UBE3D: variants seen among roughly 807,000 people sequenced by gnomAD.
UBE3D encodes ubiquitin protein ligase E3D, also known as E3 ubiquitin-protein ligase E3D.
In UBE3D, 48 loss-of-function variants were observed where a neutral mutation model predicts 49.6. The observed-to-expected ratio is 0.97, with a 90% CI of 0.77 to 1.23. The LOEUF is 1.23. Among genes scored for constraint, UBE3D ranks in the 50% most tolerant of loss-of-function variants. The pLI, the probability that UBE3D is intolerant of heterozygous loss-of-function variation, is 0.00. For synonymous variants in UBE3D, 189 were observed against 174.2 expected, an observed-to-expected ratio of 1.08 and a Z score of -0.67; for missense variants, 452 against 468.4, an observed-to-expected ratio of 0.96 and a Z score of 0.32.
chr6:82,957,479 A>C, intron 8 of UBE3D, 29 bp from the exon 9 acceptor site: 1 of 1,584,068 alleles, frequency 6.3e-7, no homozygotes, highest in Non-Finnish European at 8.6e-7. Flanking sequence ...TTAACTTTCA[A>C]AAATGCATTA....
chr6:82,889,475 AG>A (rs1245613699), downstream of UBE3D, among the ~76,000 whole-genome samples: 2 of 152,188 alleles, frequency 1.3e-5, no homozygotes, highest in African/African-American at 4.8e-5. Flanking sequence ...TGTTTAGTCA[AG>A]CTACTTTTGG....
At chr6:82,906,701 G>C (rs575493999) in intron 9 of UBE3D, among the ~76,000 whole-genome samples, 19 of 152,128 alleles carry the variant, frequency 1.2e-4, no homozygotes, top group Non-Finnish European at 2.4e-4. Flanking sequence ...ATACACATAA[G>C]ACAAGCCACT....
intron 8 of UBE3D, among the ~76,000 whole-genome samples, chr6:82,986,792 A>G (rs1426086862): frequency 6.7e-6 from 1 of 148,278 alleles, no homozygotes; most frequent in Non-Finnish European, 1.5e-5. Context: ...GTAGATTTTT[A>G]TATATTGGAG....
At chr6:82,895,974 AT>A (rs1771288126) in intron 9 of UBE3D, among the ~76,000 whole-genome samples, 1 of 152,232 alleles carries the variant, frequency 6.6e-6, no homozygotes, top group African/African-American at 2.4e-5. Flanking sequence ...GACCTTCCCA[AT>A]GAAAAAGAAA....
At chr6:82,928,214 T>C (rs1582374292) in intron 9 of UBE3D, among the ~76,000 whole-genome samples, 1 of 151,964 alleles carries the variant, frequency 6.6e-6, no homozygotes, top group South Asian at 2.1e-4. Flanking sequence ...TACAAAAATA[T>C]GCAAAATTTG....
intron 8 of UBE3D, among the ~76,000 whole-genome samples, chr6:82,985,575 G>A (rs778672964): frequency 1.3e-5 from 2 of 152,082 alleles, no homozygotes; most frequent in Non-Finnish European, 2.9e-5. Flanking sequence ...TGTTAGCCAG[G>A]ATGGTCTCAA....
intron 1 of UBE3D, among the ~76,000 whole-genome samples, chr6:83,060,709 CCTGGAACATGTTG>C (rs1454858337): frequency 6.6e-6 from 1 of 152,044 alleles, no homozygotes; most frequent in African/African-American, 2.4e-5. Context: ...ATGAAATATG[CCTGGAACATGTTG>C]CTGGAACATG....
intron 9 of UBE3D, among the ~76,000 whole-genome samples, chr6:82,916,130 A>G (rs960845998): frequency 6.6e-6 from 1 of 152,180 alleles, no homozygotes; most frequent in African/African-American, 2.4e-5. Flanking sequence ...AAGGTAAGTA[A>G]TATTCTTATT....
chr6:82,887,178 G>A, the UBE3D span, among the ~76,000 whole-genome samples: 1 of 151,290 alleles, frequency 6.6e-6, no homozygotes, highest in East Asian at 2.0e-4. Context: ...AAAAATAAAA[G>A]CTGGGTGTGG....
At chr6:82,919,827 A>G (rs1234768834) in intron 9 of UBE3D, among the ~76,000 whole-genome samples, 1 of 151,998 alleles carries the variant, frequency 6.6e-6, no homozygotes, top group East Asian at 1.9e-4. Flanking sequence ...GGACTGATGG[A>G]CCTGGTTACT....
At chr6:82,995,108 G>C (rs1779146463) in intron 8 of UBE3D, among the ~76,000 whole-genome samples, 1 of 152,076 alleles carries the variant, frequency 6.6e-6, no homozygotes, top group South Asian at 2.1e-4. Context: ...AAAAAGGGAA[G>C]AGGCCAAAAG....
chr6:82,920,435 AT>A (rs1490572487), intron 9 of UBE3D, among the ~76,000 whole-genome samples: 1 of 152,244 alleles, frequency 6.6e-6, no homozygotes, highest in Non-Finnish European at 1.5e-5. Flanking sequence ...TTAAATAAAA[AT>A]GTAAGATATA....
At chr6:83,033,765 A>G (rs1220824875) in intron 5 of UBE3D, among the ~76,000 whole-genome samples, 2 of 152,160 alleles carry the variant, frequency 1.3e-5, no homozygotes, top group Non-Finnish European at 2.9e-5. Context: ...TTCTTTATAA[A>G]TTACCCAGTC....
the UBE3D span, among the ~76,000 whole-genome samples, chr6:82,883,000 CAA>C: frequency 1.3e-5 from 2 of 152,090 alleles, no homozygotes; most frequent in African/African-American, 4.8e-5. Flanking sequence ...CCACTTTACA[CAA>C]AGTTTCCAAA....
At chr6:82,901,863 T>G (rs1232811779) in intron 9 of UBE3D, among the ~76,000 whole-genome samples, 1 of 152,210 alleles carries the variant, frequency 6.6e-6, no homozygotes, top group Admixed American at 6.5e-5. Flanking sequence ...GCCAAGCCCT[T>G]TTTGTTCACG....
intron 8 of UBE3D, among the ~76,000 whole-genome samples, chr6:83,002,746 A>G (rs1265887654): frequency 1.3e-5 from 2 of 152,198 alleles, no homozygotes; most frequent in African/African-American, 4.8e-5. Context: ...CATCCCTTCT[A>G]TCCTGTAAGG....
chr6:83,023,911 G>A (rs1781273203), intron 6 of UBE3D, 58 bp downstream of exon 6: 1 of 1,145,322 alleles, frequency 8.7e-7, no homozygotes, highest in East Asian at 2.6e-5. Context: ...AAAAAATAAA[G>A]GTCTGAATGG....
chr6:83,050,246 T>TA (rs11375982), intron 3 of UBE3D, among the ~76,000 whole-genome samples: 107,407 of 146,534 alleles, frequency 0.73, 39,159 homozygotes, highest in East Asian at 0.83. Context: ...CTTTTTTATT[T>TA]AAAAAAAAAA....
chr6:83,039,426 T>G (rs1232432621), intron 4 of UBE3D, among the ~76,000 whole-genome samples: 2 of 152,208 alleles, frequency 1.3e-5, no homozygotes, highest in Non-Finnish European at 2.9e-5. Context: ...ATAAATAATT[T>G]CCTGAAAAAT....
Sources: gnomAD v4.1 joint callset for allele counts (sites outside exome capture counted in the v4.1 genomes callset) on GRCh38, gnomAD v4.1.1 for gene constraint, MANE v1.5 for transcripts, NCBI Gene and HGNC (gene_info 2026-07-23, HGNC 2026-07-21) for gene names.